Variants in SLC23A2 observed in about 807,000 individuals in gnomAD.
SLC23A2 encodes the protein Na(+)/L-ascorbic acid transporter 2.
Under a neutral mutation model 73.3 loss-of-function variants are expected in SLC23A2, and 36 were observed. That is an observed-to-expected ratio of 0.49 (90% confidence interval 0.38 to 0.65). The LOEUF is 0.65. SLC23A2 is among the 30% of genes least tolerant of loss of function. The pLI is 0.00. For missense variants in SLC23A2, 507 were observed against 841.6 expected, an observed-to-expected ratio of 0.60 and a Z score of 4.92; for synonymous variants, 343 against 327.3, an observed-to-expected ratio of 1.05 and a Z score of -0.52.
chr20:4,906,925 T>C (rs944809030), intron 4 of SLC23A2, among the ~76,000 whole-genome samples: 1 of 152,166 alleles, frequency 6.6e-6, no homozygotes, highest in African/African-American at 2.4e-5. Flanking sequence ...AGAAGGATGC[T>C]GTGAAGAGGT....
intron 1 of SLC23A2, among the ~76,000 whole-genome samples, chr20:4,991,658 G>A (rs1381038453): frequency 1.3e-5 from 2 of 151,080 alleles, no homozygotes; most frequent in Admixed American, 1.3e-4. Context: ...GGAGGCGGAG[G>A]TTGCAGTGAG....
At chr20:4,924,699 C>A (rs1053136501) in intron 3 of SLC23A2, among the ~76,000 whole-genome samples, 8 of 152,242 alleles carry the variant, frequency 5.3e-5, no homozygotes, top group African/African-American at 1.9e-4. Context: ...GCCCTTGAGG[C>A]CCACATGCAG....
intron 1 of SLC23A2, among the ~76,000 whole-genome samples, chr20:5,009,975 G>C (rs1386620452): frequency 1.3e-5 from 2 of 151,894 alleles, no homozygotes; most frequent in East Asian, 3.9e-4. Context: ...GGCGCCTGTA[G>C]TCCCAGCTAC....
chr20:4,862,705 G>T lies in SLC23A2; in HGVS notation c.1486+73C>A. On this transcript the variant is annotated intron_variant, in intron 14 of 16. Transcript: ENST00000338244. This position sits in a 1 kb window ranked among gnomAD's most constrained non-coding sequence, Gnocchi z 5.1. ...TATCGTTACCTTCTTACTGAAGGGA[G>T]TCAGCAAAAACACCATGACCCCTAT... 7.4e-7 allele frequency: 1 copy of T among 1,357,092 alleles called. No individual in the cohort carries two copies. The highest frequency in any genetic ancestry group is 2.0e-5 in the Admixed American group (1 of 50,264). 84.1% of individuals were successfully genotyped at this position (1,357,092 alleles called of 1,614,324 possible).
intron 1 of SLC23A2, among the ~76,000 whole-genome samples, chr20:4,990,209 A>C (rs373302866): frequency 2.0e-5 from 3 of 152,072 alleles, no homozygotes; most frequent in Non-Finnish European, 4.4e-5. Context: ...ACCTACCCTG[A>C]CTAATACAGG....
At chr20:4,934,277 C>T (rs2086923797) in intron 2 of SLC23A2, among the ~76,000 whole-genome samples, 1 of 152,176 alleles carries the variant, frequency 6.6e-6, no homozygotes, top group Non-Finnish European at 1.5e-5. Context: ...TTGGCCATCA[C>T]AACTCGGGGA....
At chr20:5,003,301 G>A (rs1488139709), upstream of SLC23A2, among the ~76,000 whole-genome samples, 2 of 151,918 alleles carry the variant, frequency 1.3e-5, no homozygotes, top group Non-Finnish European at 2.9e-5. Flanking sequence ...GGAGAATGGC[G>A]TGAACCCGGG....
upstream of SLC23A2, among the ~76,000 whole-genome samples, chr20:5,003,235 T>C (rs1367935264): frequency 4.6e-5 from 7 of 151,586 alleles, no homozygotes; most frequent in Admixed American, 3.9e-4. Context: ...TACAAAAAAA[T>C]TAGCCGGGCG....
At chr20:4,865,196 C>G (rs1412996053) in intron 13 of SLC23A2, among the ~76,000 whole-genome samples, 1 of 152,176 alleles carries the variant, frequency 6.6e-6, no homozygotes, top group Non-Finnish European at 1.5e-5. Flanking sequence ...CCCTGGGTTT[C>G]TGGATTTACA....
Position 4,873,970 on chromosome 20 carries a change from A to G in SLC23A2, c.1068T>C (p.Leu356=), listed in dbSNP as rs749981373. 3.1e-6 allele frequency: 5 copies of G among 1,614,170 alleles called. No individual in the cohort carries two copies. Among genetic ancestry groups the G allele is most frequent in the Non-Finnish European group, 4.2e-6 (5 of 1,180,006 alleles). The change falls in exon 11 of 17, where the codon CTT becomes CTC. Residue 356 remains leucine (L), a synonymous_variant. Transcript: ENST00000338244. ...YARTDARQGV[L]LVAPWFKVPY... ...GAACCTTAAACCACGGGGCTACCAG[A>G]AGCACGCCTTGCCTGGCATCTGTGC...
intron 12 of SLC23A2, 117 bp from the exon 13 acceptor site, chr20:4,867,992 A>C: frequency 1.7e-6 from 1 of 596,312 alleles, no homozygotes; most frequent in Non-Finnish European, 2.9e-6. Flanking sequence ...CAGCTTCCAC[A>C]TCTCCTGGGA....
At chr20:4,913,210 G>A (rs1932218193) in intron 3 of SLC23A2, among the ~76,000 whole-genome samples, 1 of 152,172 alleles carries the variant, frequency 6.6e-6, no homozygotes, top group Non-Finnish European at 1.5e-5. Context: ...TCAGGGGAAG[G>A]GAAGTTTGGC....
chr20:4,870,438 G>T (rs1162834012), intron 11 of SLC23A2, among the ~76,000 whole-genome samples: 1 of 152,086 alleles, frequency 6.6e-6, no homozygotes, highest in African/African-American at 2.4e-5. Context: ...TTAGCCAGGC[G>T]TGGGGGCATG....
At chr20:4,888,549 C>T (rs1019053058) in intron 6 of SLC23A2, among the ~76,000 whole-genome samples, 2 of 152,188 alleles carry the variant, frequency 1.3e-5, no homozygotes, top group Admixed American at 1.3e-4. Context: ...AGCCTCAGGA[C>T]AGCAGGAGAA....
chr20:5,004,063 C>G (rs577802247), upstream of SLC23A2, among the ~76,000 whole-genome samples: 6 of 152,210 alleles, frequency 3.9e-5, no homozygotes, highest in East Asian at 9.7e-4. Flanking sequence ...CTTCTCTAAC[C>G]CCCTCTGAAG....
At chr20:4,873,859 G>A (rs1930549300) in intron 11 of SLC23A2, 77 bp downstream of exon 11, 2 of 1,411,766 alleles carry the variant, frequency 1.4e-6, no homozygotes, top group African/African-American at 2.9e-5. Context: ...GACAAAGACG[G>A]CTGTTCTGCC....
At position 4,873,958 on chromosome 20, in the gene SLC23A2, C is replaced by T. The variant is rs62636560; in HGVS notation, c.1080G>A (p.Pro360=). 7.6e-5 allele frequency: 122 copies of T among 1,613,802 alleles called. No homozygotes were observed. The highest frequency in any genetic ancestry group is 1.5e-4 in the Admixed American group (9 of 59,992). ...TACATGGGTATGGAACCTTAAACCA[C>T]GGGGCTACCAGAAGCACGCCTTGCC... ...DARQGVLLVA[P]WFKVPYPFQW... is the part of the protein sequence containing the mutation. Residue 360 remains proline, a synonymous_variant, in exon 11 of 17, where the codon CCG becomes CCA. Transcript: ENST00000338244.
intron 1 of SLC23A2, among the ~76,000 whole-genome samples, chr20:4,977,698 CAAA>C (rs1045238895): frequency 7.8e-5 from 6 of 77,318 alleles, no homozygotes; most frequent in Admixed American, 1.4e-4. Flanking sequence ...ACTCTGTCCC[CAAA>C]AAAAAAAAAA....
At chr20:4,894,933 T>A (rs1367964134) in intron 6 of SLC23A2, among the ~76,000 whole-genome samples, 2 of 152,220 alleles carry the variant, frequency 1.3e-5, no homozygotes, top group African/African-American at 4.8e-5. Flanking sequence ...CAGCACCTTG[T>A]TCCTTCCTGT....
Sources: gnomAD v4.1 joint callset for allele counts (sites outside exome capture counted in the v4.1 genomes callset) on GRCh38, gnomAD v4.1.1 for gene constraint, Gnocchi (gnomAD v3.1) non-coding constraint, MANE v1.5 for transcripts, NCBI Gene and HGNC (gene_info 2026-07-23, HGNC 2026-07-21) for gene names.